Variants in HMGCLL1 observed in about 807,000 individuals in gnomAD.
The protein encoded by HMGCLL1 is 3-hydroxymethyl-3-methylglutaryl-CoA lyase, cytoplasmic.
A neutral mutation model predicts 39.1 loss-of-function variants in HMGCLL1; 36 were observed. The observed-to-expected ratio is 0.92, with a 90% confidence interval of 0.71 to 1.22. The LOEUF is 1.22. Among genes scored for constraint, HMGCLL1 ranks in the 50% most tolerant of loss-of-function variants. The pLI is 0.00. For missense variants in HMGCLL1, 451 were observed against 416.5 expected (o/e 1.08, Z -0.72); for synonymous variants, 149 against 144.0 (o/e 1.03, Z -0.25).
At chr6:55,615,837 G>A in the HMGCLL1 span, among the ~76,000 whole-genome samples, 1 of 151,998 alleles carries the variant, frequency 6.6e-6, no homozygotes, top group African/African-American at 2.4e-5. Flanking sequence ...TTAAGCTAGA[G>A]GGTCTCTTGA....
chr6:55,547,367 A>T (rs1440217868), intron 1 of HMGCLL1, among the ~76,000 whole-genome samples: 1 of 151,978 alleles, frequency 6.6e-6, no homozygotes, highest in Non-Finnish European at 1.5e-5. Context: ...CTCAGCAGTA[A>T]TAATGGATGA....
chr6:55,626,187 G>A, the HMGCLL1 span, among the ~76,000 whole-genome samples: 8,361 of 152,146 alleles, frequency 0.055, 403 homozygotes, highest in Non-Finnish European at 0.077. Context: ...TCATGGAAAG[G>A]GCAGTGGTTT....
At chr6:55,571,417 T>C (rs1771486356) in intron 1 of HMGCLL1, among the ~76,000 whole-genome samples, 1 of 152,102 alleles carries the variant, frequency 6.6e-6, no homozygotes, top group Non-Finnish European at 1.5e-5. Flanking sequence ...AAATATAAAA[T>C]AAGAATGCTG....
chr6:55,601,315 C>T, the HMGCLL1 span, among the ~76,000 whole-genome samples: 1 of 152,118 alleles, frequency 6.6e-6, no homozygotes, highest in African/African-American at 2.4e-5. Context: ...CCTCACTAGT[C>T]TGTATGGCTG....
chr6:55,589,615 CCT>C, the HMGCLL1 span, among the ~76,000 whole-genome samples: 70 of 152,162 alleles, frequency 4.6e-4, no homozygotes, highest in African/African-American at 1.6e-3. Flanking sequence ...TCAAGTTGTC[CCT>C]GTTTGCAGAT....
the HMGCLL1 span, among the ~76,000 whole-genome samples, chr6:55,676,882 T>C: frequency 6.6e-6 from 1 of 152,216 alleles, no homozygotes; most frequent in Non-Finnish European, 1.5e-5. Context: ...GGTTCCCGCA[T>C]GCGGGGAAAA....
intron 7 of HMGCLL1, among the ~76,000 whole-genome samples, chr6:55,476,581 A>C (rs2127407357): frequency 6.6e-6 from 1 of 151,576 alleles, no homozygotes; most frequent in Non-Finnish European, 1.5e-5. Flanking sequence ...CTGGCTAGAA[A>C]CTCCTACTTT....
intron 3 of HMGCLL1, among the ~76,000 whole-genome samples, chr6:55,526,685 A>G (rs1768340352): frequency 6.6e-6 from 1 of 151,998 alleles, no homozygotes; most frequent in Non-Finnish European, 1.5e-5. Context: ...AAGCACATTT[A>G]CTTTATGCTG....
intron 1 of HMGCLL1, among the ~76,000 whole-genome samples, chr6:55,545,579 G>C (rs1403314136): frequency 1.3e-5 from 2 of 151,994 alleles, no homozygotes; most frequent in African/African-American, 4.8e-5. Flanking sequence ...GGCTGGGGCT[G>C]ATATATGCCA....
At chr6:55,637,875 T>TG in the HMGCLL1 span, among the ~76,000 whole-genome samples, 1 of 152,042 alleles carries the variant, frequency 6.6e-6, no homozygotes, top group Admixed American at 6.6e-5. Flanking sequence ...AACAGTGGCT[T>TG]TGTAAATCCA....
intron 7 of HMGCLL1, among the ~76,000 whole-genome samples, chr6:55,455,969 C>A (rs749158199): frequency 3.3e-5 from 5 of 152,068 alleles, no homozygotes; most frequent in Non-Finnish European, 7.4e-5. Context: ...ATATTAAGGG[C>A]TTTTGCTATT....
rs139178797 is a variant in HMGCLL1 at position 55,578,315 on chromosome 6, T to C, written c.108+633A>G. 9.2e-5 allele frequency among the ~76,000 whole-genome samples: 14 copies of C among 152,336 alleles called. No individual in the cohort carries two copies. The East Asian group carries it at 2.7e-3, about 29-fold the overall frequency. On this transcript the variant is annotated intron_variant, in intron 1 of 8. Coordinates refer to ENST00000274901, the MANE Select transcript of HMGCLL1 (RefSeq NM_001042406.2). Reference sequence around the variant, plus strand: ...TTTTCTTTATTTATCTGACACTGGTTAAGAGTGCATTAAATCATAAGTATA... The same window carrying C: ...TTTTCTTTATTTATCTGACACTGGTCAAGAGTGCATTAAATCATAAGTATA...
the HMGCLL1 span, among the ~76,000 whole-genome samples, chr6:55,673,894 CTT>C: frequency 1.3e-5 from 2 of 151,788 alleles, no homozygotes; most frequent in Non-Finnish European, 2.9e-5. Flanking sequence ...GATTGAGAGA[CTT>C]AGGCTTAAGA....
At position 55,526,205 on chromosome 6, in the gene HMGCLL1, T is replaced by C. The variant is rs139694049; in HGVS notation, c.298-9602A>G. On this transcript the variant is annotated intron_variant, in intron 3 of 8. Transcript: ENST00000274901. ...TGAAGTGCTCCCAGCTTGCCTTTGA[T>C]GATAGCAAAATGTCTGCAGCATTAT... is the stretch of plus-strand genomic sequence containing the variant. Among the ~76,000 whole-genome samples the C allele has an allele frequency of 3.8e-3, 584 of 152,140 alleles. 1 individual carries two copies. Among genetic ancestry groups the C allele is most frequent in the African/African-American group, 0.014 (572 of 41,562 alleles).
the HMGCLL1 span, among the ~76,000 whole-genome samples, chr6:55,607,461 G>C: frequency 1.3e-5 from 2 of 152,022 alleles, no homozygotes; most frequent in African/African-American, 4.8e-5. Context: ...TAGCTTCTGG[G>C]GATGCTGACA....
At chr6:55,553,414 G>C (rs1770475629) in intron 1 of HMGCLL1, among the ~76,000 whole-genome samples, 1 of 151,852 alleles carries the variant, frequency 6.6e-6, no homozygotes, top group Admixed American at 6.6e-5. Flanking sequence ...CTCCAGCCTG[G>C]GTGACAGAAG....
At chr6:55,441,841 C>T (rs1356787271) in intron 7 of HMGCLL1, among the ~76,000 whole-genome samples, 1 of 152,014 alleles carries the variant, frequency 6.6e-6, no homozygotes, top group Admixed American at 6.6e-5. Flanking sequence ...TAGGTGCGCA[C>T]AATCACACCT....
intron 6 of HMGCLL1, 150 bp downstream of exon 6, chr6:55,499,086 A>G (rs1049334960): frequency 9.1e-6 from 5 of 549,906 alleles, no homozygotes; most frequent in Non-Finnish European, 1.3e-5. Flanking sequence ...AAATGAAACT[A>G]TTAGTTAAGT....
intron 7 of HMGCLL1, among the ~76,000 whole-genome samples, chr6:55,471,392 C>T (rs1292033618): frequency 1.3e-5 from 2 of 151,648 alleles, no homozygotes; most frequent in Non-Finnish European, 3.0e-5. Flanking sequence ...TTTCTGTCTT[C>T]TGCTGCATAC....
Sources: allele counts gnomAD v4.1 joint callset (sites outside exome capture counted in the v4.1 genomes callset), GRCh38; gene constraint gnomAD v4.1.1; transcripts MANE v1.5; gene names NCBI Gene and HGNC (gene_info 2026-07-23, HGNC 2026-07-21).